Variants in FIBCD1 observed in about 807,000 individuals in gnomAD.
FIBCD1 encodes fibrinogen C domain containing 1.
In FIBCD1, 47 loss-of-function variants were observed where a neutral mutation model predicts 45.1. The ratio of observed to expected loss-of-function variants is 1.04; its 90% CI spans 0.82 to 1.33. The LOEUF (loss-of-function observed/expected upper bound fraction) is 1.33. FIBCD1 is among the 40% of genes most tolerant of loss of function. FIBCD1 has a pLI of 0.00. For missense variants in FIBCD1, 653 were observed against 682.2 expected (o/e 0.96, Z 0.48); for synonymous variants, 313 against 308.1 (o/e 1.02, Z -0.17).
intron 5 of FIBCD1, among the ~76,000 whole-genome samples, chr9:130,910,051 G>A (rs1016792245): frequency 6.6e-6 from 1 of 152,250 alleles, no homozygotes; most frequent in African/African-American, 2.4e-5. Flanking sequence ...CCACCGCTGC[G>A]CTGTGGGAGC....
intron 2 of FIBCD1, among the ~76,000 whole-genome samples, chr9:130,924,820 G>A (rs1172796822): frequency 1.3e-5 from 2 of 152,198 alleles, no homozygotes; most frequent in African/African-American, 4.8e-5. Context: ...ATGACTAGGG[G>A]CGAATGTCCT....
intron 1 of FIBCD1, among the ~76,000 whole-genome samples, chr9:130,931,507 C>CA (rs1832447651): frequency 6.6e-6 from 1 of 151,070 alleles, no homozygotes; most frequent in South Asian, 2.1e-4. Flanking sequence ...GACTCCGTCT[C>CA]AAAAAAACAA....
chr9:130,929,365 C>A (rs1482070839), intron 2 of FIBCD1, among the ~76,000 whole-genome samples: 1 of 152,180 alleles, frequency 6.6e-6, no homozygotes, highest in African/African-American at 2.4e-5. Flanking sequence ...AATCCTGGCT[C>A]CCAGTAGCTG....
intron 1 of FIBCD1, chr9:130,936,273 G>A (rs1832518873): frequency 6.6e-6 from 1 of 152,388 alleles, no homozygotes; most frequent in African/African-American, 2.4e-5. Context: ...AGAGAAGGCT[G>A]GCCCAGGAGA....
At chr9:130,904,393 C>G in intron 6 of FIBCD1, 70 bp from the exon 7 acceptor site, 1 of 1,529,028 alleles carries the variant, frequency 6.5e-7, no homozygotes, top group Non-Finnish European at 8.8e-7. Context: ...CATGTGTGAG[C>G]AGACACCGAG....
intron 1 of FIBCD1, chr9:130,933,727 T>TGGGGG (rs1179362614): frequency 3.9e-5 from 2 of 51,462 alleles, no homozygotes; most frequent in African/African-American, 2.2e-4. Flanking sequence ...GGCGGGCGGG[T>TGGGGG]GGGGGGGGGG....
At chr9:130,906,689 G>T (rs1443541016) in intron 5 of FIBCD1, among the ~76,000 whole-genome samples, 1 of 152,248 alleles carries the variant, frequency 6.6e-6, no homozygotes, top group Non-Finnish European at 1.5e-5. Context: ...GAGGGGCCAG[G>T]AGAGTGTCAT....
intron 4 of FIBCD1, among the ~76,000 whole-genome samples, chr9:130,917,477 G>A (rs1004151419): frequency 7.9e-5 from 12 of 152,006 alleles, no homozygotes; most frequent in Admixed American, 4.6e-4. Flanking sequence ...AGCTCTGGAC[G>A]CGGAGGAAGG....
In FIBCD1 at chr9:130,929,781, GC is replaced by G; in HGVS notation, c.337del (p.Ala113ProfsTer7). ...DSFARLESAQ[A>X]SVLQALTEHQ... ...CTCTGTCAGCGCCTGCAGCACCGAG[GC>G]CTGGGCGCTCTCCAGGCGTGCGAAG... is the stretch of plus-strand genomic sequence containing the variant. On this transcript the variant is annotated frameshift_variant, in exon 2 of 7. Transcript: ENST00000372338. LOFTEE classifies it high-confidence loss of function. 1 of 1,555,740 alleles carries G rather than the reference GC, an allele frequency of 6.4e-7. No individual in the cohort carries two copies. Among genetic ancestry groups the G allele is most frequent in the Non-Finnish European group, 8.7e-7 (1 of 1,149,922 alleles).
rs780634108 is a variant in FIBCD1, at chr9:130,922,183, A to G, written c.849+1561T>C. Among the ~76,000 whole-genome samples the G allele has an allele frequency of 3.3e-5, 5 of 152,052 alleles. No homozygotes were observed. The highest frequency in any genetic ancestry group is 7.2e-5 in the African/African-American group (3 of 41,412). On this transcript the variant is annotated intron_variant, in intron 4 of 6. Transcript: ENST00000372338. This position sits in a 1 kb window ranked among gnomAD's most constrained non-coding sequence, Gnocchi z 4.5. Reference sequence around the variant, plus strand: ...TGTTTGTGGGCCTGGACATCAATACACCAAAAATAGTCAGCACCAAGATCC... The same window carrying G: ...TGTTTGTGGGCCTGGACATCAATACGCCAAAAATAGTCAGCACCAAGATCC...
At position 130,905,328 on chromosome 9, in the gene FIBCD1, A is replaced by T. The variant is rs141651387; in HGVS notation, c.1032T>A (p.Tyr344Ter). Residue 344 changes from tyrosine to a stop codon, truncating the protein, a stop_gained, in exon 6 of 7, where the codon TAT becomes TAA. Transcript: ENST00000372338. LOFTEE classifies it high-confidence loss of function. Reference protein sequence around the residue: ...DLEDFENGTAYARYGSFGVGL... With the variant: ...DLEDFENGTA Reference sequence around the variant, plus strand: ...CCACGCCGAAGCTCCCGTAGCGGGCATAGGCCGTGCCATTCTCAAAGTCCT... The same window carrying T: ...CCACGCCGAAGCTCCCGTAGCGGGCTTAGGCCGTGCCATTCTCAAAGTCCT... 1 of 1,613,946 alleles carries T rather than the reference A, an allele frequency of 6.2e-7. No homozygotes were observed. The highest frequency in any genetic ancestry group is 8.5e-7 in the Non-Finnish European group (1 of 1,180,024).
In FIBCD1 at chr9:130,935,944, G is replaced by A. The variant is rs866529141; in HGVS notation, c.72+2592C>T. Among the ~76,000 whole-genome samples, 4 of 152,184 alleles carry A rather than the reference G, an allele frequency of 2.6e-5. No individual in the cohort carries two copies. In the South Asian group the frequency reaches 6.2e-4, roughly 24 times the overall value. ...AGGAAAATCCCCGTTAAAGAACCTC[G>A]GCCAGGCCCCGTTTGTAGGAACCAG... On this transcript the variant is annotated intron_variant, in intron 1 of 6. Coordinates refer to ENST00000372338, the MANE Select transcript of FIBCD1 (RefSeq NM_032843.5).
At position 130,929,886 on chromosome 9, in the gene FIBCD1, G is replaced by A; in HGVS notation, c.233C>T (p.Ala78Val). ...VSTGAASANS[A>V]LVTVERADSS... ...GTCCGCCCTTTCCACAGTGACCAGGGCGCTGTTGGCGCTGGCAGCCCCAGT... is the reference window on the plus strand; with the variant it reads ...GTCCGCCCTTTCCACAGTGACCAGGACGCTGTTGGCGCTGGCAGCCCCAGT... Residue 78 changes from alanine (A) to valine (V), a missense_variant, in exon 2 of 7, where the codon GCC (alanine) becomes GTC (valine). By Grantham distance (64) the Ala-to-Val change is moderately conservative. Coordinates refer to ENST00000372338, the MANE Select transcript of FIBCD1 (RefSeq NM_032843.5). The A allele has an allele frequency of 6.5e-7, 1 of 1,549,554 alleles. No individual in the cohort carries two copies. The highest frequency in any genetic ancestry group is 8.7e-7 in the Non-Finnish European group (1 of 1,146,562).
chr9:130,915,242 G>A (rs994771808), intron 4 of FIBCD1, among the ~76,000 whole-genome samples: 5 of 152,158 alleles, frequency 3.3e-5, no homozygotes, highest in South Asian at 2.1e-4. Flanking sequence ...CTCAGTCTGG[G>A]TGCCAGTTAC....
intron 1 of FIBCD1, chr9:130,934,056 TG>T (rs1352382156): frequency 6.6e-6 from 1 of 152,298 alleles, no homozygotes; most frequent in Non-Finnish European, 1.5e-5. Context: ...CGGGGTCCTG[TG>T]GGCTCTGGAT....
intron 5 of FIBCD1, among the ~76,000 whole-genome samples, chr9:130,906,491 C>G (rs1831931493): frequency 6.6e-6 from 1 of 152,206 alleles, no homozygotes; most frequent in African/African-American, 2.4e-5. Flanking sequence ...GGAGCAGCTA[C>G]TGTGGGAGGA....
chr9:130,906,786 C>G (rs988959392), intron 5 of FIBCD1, among the ~76,000 whole-genome samples: 1 of 152,248 alleles, frequency 6.6e-6, no homozygotes, highest in African/African-American at 2.4e-5. Flanking sequence ...CTCAGCCCTT[C>G]GTGCAGATGA....
intron 1 of FIBCD1, chr9:130,933,704 G>C (rs1357981849): frequency 1.8e-5 from 2 of 112,538 alleles, no homozygotes; most frequent in Admixed American, 2.2e-4. Flanking sequence ...AGCCTTGGGG[G>C]TTCTGGGGAA....
Position 130,930,015 on chromosome 9 carries a change from A to G in FIBCD1, c.104T>C (p.Val35Ala). 4.6e-6 allele frequency: 7 copies of G among 1,531,786 alleles called. No individual in the cohort carries two copies. The highest frequency in any genetic ancestry group is 6.1e-6 in the Non-Finnish European group (7 of 1,139,374). 94.9% of individuals were successfully genotyped at this position (1,531,786 alleles called of 1,614,324 possible). The change falls in exon 2 of 7, where the codon GTG becomes GCG. Residue 35 changes from valine (V) to alanine (A), a missense_variant. By Grantham distance (64) the Val-to-Ala change is moderately conservative. Coordinates refer to ENST00000372338, the MANE Select transcript of FIBCD1 (RefSeq NM_032843.5). ...CAGCAGCACAGCCAGGGCCAGCAGC[A>G]CGGTGCACAGCACGTAGCCGCAGCT... ...RPSCGYVLCT[V>A]LLALAVLLAV...
Sources: allele counts gnomAD v4.1 joint callset (sites outside exome capture counted in the v4.1 genomes callset), GRCh38; gene constraint gnomAD v4.1.1; non-coding constraint Gnocchi (gnomAD v3.1); transcripts MANE v1.5; gene names NCBI Gene and HGNC (gene_info 2026-07-23, HGNC 2026-07-21).